GTF2F2: variants seen among roughly 807,000 people sequenced by gnomAD.
GTF2F2 encodes the protein general transcription factor IIF subunit 2.
Under a neutral mutation model 42.2 loss-of-function variants are expected in GTF2F2, and 23 were observed. The ratio of observed to expected loss-of-function variants is 0.55; its 90% confidence interval spans 0.39 to 0.77. The LOEUF (loss-of-function observed/expected upper bound fraction) is 0.77. Among genes scored for constraint, GTF2F2 ranks in the 30% least tolerant of loss-of-function variants. GTF2F2 has a pLI of 0.00. For missense variants in GTF2F2, 261 were observed against 287.2 expected, an observed-to-expected ratio of 0.91 and a Z score of 0.66; for synonymous variants, 105 against 100.8, an observed-to-expected ratio of 1.04 and a Z score of -0.25.
At chr13:45,191,412 A>G (rs1454360040) in intron 4 of GTF2F2, among the ~76,000 whole-genome samples, 1 of 151,080 alleles carries the variant, frequency 6.6e-6, no homozygotes, top group Non-Finnish European at 1.5e-5. Flanking sequence ...TGTTTTTTGG[A>G]ACAGTATTTA....
Position 45,207,481 on chromosome 13 carries a change from G to C in GTF2F2, c.362G>C (p.Ser121Thr). Residue 121 changes from serine (S) to threonine (T), a missense_variant, in exon 5 of 8, where the codon AGT becomes ACT. Ser to Thr is a moderately conservative substitution (Grantham distance 58). Coordinates refer to ENST00000340473, the MANE Select transcript of GTF2F2 (RefSeq NM_004128.3). Reference protein sequence around the residue: ...VQRAECRPAASENYMRLKRLQ... With the variant: ...VQRAECRPAATENYMRLKRLQ... ...AGAGCTGAATGCCGACCAGCTGCCAGTGAAAACTACATGCGATTAAAAAGG... is the reference window on the plus strand; with the variant it reads ...AGAGCTGAATGCCGACCAGCTGCCACTGAAAACTACATGCGATTAAAAAGG... The C allele has an allele frequency of 1.2e-6, 2 of 1,609,372 alleles. No individual in the cohort carries two copies. Among genetic ancestry groups the C allele is most frequent in the Non-Finnish European group, 1.7e-6 (2 of 1,175,742 alleles).
intron 4 of GTF2F2, among the ~76,000 whole-genome samples, chr13:45,197,272 A>G (rs9534061): frequency 0.21 from 31,013 of 150,450 alleles, 3,423 homozygotes; most frequent in African/African-American, 0.23. Context: ...TGAGGCGGGC[A>G]GGTCACTTGA....
At chr13:45,216,680 G>A (rs1000491645) in intron 5 of GTF2F2, among the ~76,000 whole-genome samples, 4 of 151,862 alleles carry the variant, frequency 2.6e-5, no homozygotes, top group Non-Finnish European at 5.9e-5. Context: ...ACCACGCCTG[G>A]CTATTTTTTT....
intron 6 of GTF2F2, among the ~76,000 whole-genome samples, chr13:45,258,772 T>C (rs1005988281): frequency 6.6e-6 from 1 of 152,358 alleles, no homozygotes; most frequent in East Asian, 1.9e-4. Context: ...TGCTTATATC[T>C]ATTTATAAAT....
chr13:45,155,379 G>A (rs1368243932), intron 4 of GTF2F2, among the ~76,000 whole-genome samples: 1 of 152,146 alleles, frequency 6.6e-6, no homozygotes, highest in Non-Finnish European at 1.5e-5. Flanking sequence ...TAGTGCACAG[G>A]TCTATAAAAT....
intron 4 of GTF2F2, chr13:45,207,133 T>G: frequency 3.5e-6 from 1 of 284,670 alleles, no homozygotes; most frequent in Non-Finnish European, 6.7e-6. Flanking sequence ...TAATTTGATT[T>G]TATGCCCTTT....
intron 4 of GTF2F2, among the ~76,000 whole-genome samples, chr13:45,167,729 A>G (rs1438579101): frequency 2.0e-5 from 3 of 151,946 alleles, no homozygotes; most frequent in African/African-American, 4.8e-5. Context: ...TTAAGTAGCA[A>G]TAGGCTTTCA....
chr13:45,254,680 G>A (rs748391392), intron 6 of GTF2F2, among the ~76,000 whole-genome samples: 24 of 152,158 alleles, frequency 1.6e-4, no homozygotes, highest in Non-Finnish European at 3.4e-4. Flanking sequence ...GTATGTTGCC[G>A]CTGGTGATTA....
intron 4 of GTF2F2, among the ~76,000 whole-genome samples, chr13:45,157,182 A>G (rs1870803638): frequency 2.0e-5 from 3 of 152,222 alleles, no homozygotes; most frequent in Admixed American, 6.5e-5. Context: ...GAGAACAGTA[A>G]TGACTAATGC....
intron 6 of GTF2F2, among the ~76,000 whole-genome samples, chr13:45,262,903 A>G (rs1029466516): frequency 6.6e-6 from 1 of 151,152 alleles, no homozygotes; most frequent in African/African-American, 2.4e-5. Context: ...TTCATGGCTA[A>G]TTTTGTAGAG....
intron 5 of GTF2F2, among the ~76,000 whole-genome samples, chr13:45,212,447 G>GTTTCTTTCTTTCTTTTC (rs1555269186): frequency 2.2e-5 from 1 of 45,684 alleles, no homozygotes; most frequent in African/African-American, 9.5e-5. Flanking sequence ...TTTCTTTCTT[G>GTTTCTTTCTTTCTTTTC]TTTCTTTCTT....
Position 45,171,437 on chromosome 13 carries a change from G to A in GTF2F2, c.304+19606G>A, listed in dbSNP as rs1871595784. 2.6e-5 allele frequency among the ~76,000 whole-genome samples: 4 copies of A among 152,098 alleles called. No homozygotes were observed. The South Asian group carries it at 8.3e-4, about 32-fold the overall frequency. ...TTTAAGTAATTTGAGGGTTCTGCAT[G>A]GTGTTGCCAAGCATTCTGATACCAT... is the stretch of plus-strand genomic sequence containing the variant. On this transcript the variant is annotated intron_variant, in intron 4 of 7. Coordinates refer to ENST00000340473, the MANE Select transcript of GTF2F2 (RefSeq NM_004128.3).
intron 5 of GTF2F2, among the ~76,000 whole-genome samples, chr13:45,252,467 C>T (rs1875919863): frequency 6.6e-6 from 1 of 152,082 alleles, no homozygotes. Flanking sequence ...TTTTTATTTA[C>T]CTTTATCTTT....
At chr13:45,174,488 A>G (rs1408610706) in intron 4 of GTF2F2, among the ~76,000 whole-genome samples, 1 of 152,118 alleles carries the variant, frequency 6.6e-6, no homozygotes, top group Non-Finnish European at 1.5e-5. Flanking sequence ...TAATGATAGT[A>G]ACTTTTTCTT....
At chr13:45,244,344 T>A (rs1875477673) in intron 5 of GTF2F2, among the ~76,000 whole-genome samples, 1 of 152,212 alleles carries the variant, frequency 6.6e-6, no homozygotes, top group Non-Finnish European at 1.5e-5. Context: ...AATTTTGTTT[T>A]GTTTTTGCTT....
At chr13:45,207,026 A>ACT (rs1453444863) in intron 4 of GTF2F2, 1 of 164,576 alleles carries the variant, frequency 6.1e-6, no homozygotes, top group Non-Finnish European at 1.3e-5. Context: ...ACACACACAC[A>ACT]CACACACACA....
At chr13:45,143,959 T>C (rs972385500) in intron 2 of GTF2F2, among the ~76,000 whole-genome samples, 2 of 152,184 alleles carry the variant, frequency 1.3e-5, no homozygotes, top group African/African-American at 2.4e-5. Context: ...AATTAGTTTA[T>C]AGTTTTGCTG....
intron 7 of GTF2F2, among the ~76,000 whole-genome samples, chr13:45,280,919 G>A (rs1204997716): frequency 6.6e-6 from 1 of 152,148 alleles, no homozygotes; most frequent in African/African-American, 2.4e-5. Context: ...GTGCAACATC[G>A]TCTTAGCCAG....
intron 4 of GTF2F2, among the ~76,000 whole-genome samples, chr13:45,178,131 TCTC>T (rs2138152635): frequency 6.6e-6 from 1 of 152,182 alleles, no homozygotes; most frequent in Admixed American, 6.5e-5. Flanking sequence ...ATTTTTTTTC[TCTC>T]CTCCTGAGAT....
Sources: gnomAD v4.1 joint callset for allele counts (sites outside exome capture counted in the v4.1 genomes callset) on GRCh38, gnomAD v4.1.1 for gene constraint, MANE v1.5 for transcripts, NCBI Gene and HGNC (gene_info 2026-07-23, HGNC 2026-07-21) for gene names.